The following NAALADL2 variants were observed in gnomAD, a reference collection of about 807,000 sequenced individuals.
NAALADL2 encodes the protein inactive N-acetylated-alpha-linked acidic dipeptidase-like protein 2.
NAALADL2 carries 76 observed loss-of-function variants against 87.2 expected under a neutral mutation model. The ratio of observed to expected loss-of-function variants is 0.87; its 90% CI spans 0.72 to 1.05. The LOEUF (loss-of-function observed/expected upper bound fraction) is 1.05, where lower values mean the gene tolerates loss of function less well. NAALADL2 is among the 50% of genes least tolerant of loss of function. The pLI is 0.00. For missense variants in NAALADL2, 1,089 were observed against 945.8 expected (o/e 1.15, Z -1.99); for synonymous variants, 354 against 331.0 (o/e 1.07, Z -0.75).
chr3:175,133,209 C>T (rs1728478511), intron 2 of NAALADL2, among the ~76,000 whole-genome samples: 1 of 151,146 alleles, frequency 6.6e-6, no homozygotes, highest in South Asian at 2.1e-4. Flanking sequence ...GGGATGGCGG[C>T]CGGGCAGAGA....
chr3:175,031,250 A>G (rs1752762635), intron 1 of NAALADL2, among the ~76,000 whole-genome samples: 1 of 151,858 alleles, frequency 6.6e-6, no homozygotes, highest in African/African-American at 2.4e-5. Flanking sequence ...CTGGTACCCA[A>G]TAGGTAATTT....
At chr3:175,117,078 G>T (rs1198539169) in intron 2 of NAALADL2, among the ~76,000 whole-genome samples, 1 of 152,068 alleles carries the variant, frequency 6.6e-6, no homozygotes, top group Non-Finnish European at 1.5e-5. Flanking sequence ...GCTGAAACTG[G>T]ATCCCTTCCT....
chr3:175,781,287 G>A (rs1211230634), intron 13 of NAALADL2, among the ~76,000 whole-genome samples: 1 of 152,094 alleles, frequency 6.6e-6, no homozygotes, highest in African/African-American at 2.4e-5. Context: ...ATAAAATCAT[G>A]TGCTGAATAA....
chr3:175,289,799 A>C (rs1022745315), intron 4 of NAALADL2, among the ~76,000 whole-genome samples: 3 of 152,112 alleles, frequency 2.0e-5, no homozygotes, highest in Non-Finnish European at 4.4e-5. Context: ...TGTCTCAAAA[A>C]ACAAACAAAA....
intron 1 of NAALADL2, among the ~76,000 whole-genome samples, chr3:174,470,126 A>G (rs1196632676): frequency 2.0e-5 from 3 of 152,178 alleles, no homozygotes; most frequent in Non-Finnish European, 4.4e-5. Flanking sequence ...CCAACAGTGT[A>G]TAATTCCCTT....
At chr3:175,561,693 A>T (rs1198871422) in intron 9 of NAALADL2, among the ~76,000 whole-genome samples, 1 of 152,022 alleles carries the variant, frequency 6.6e-6, no homozygotes, top group Admixed American at 6.5e-5. Flanking sequence ...TGCCAGCCCT[A>T]CCAGATTAAG....
chr3:175,343,655 G>GTTTTGTTTTTTTTTTTTTTTT (rs1762798204), intron 5 of NAALADL2, among the ~76,000 whole-genome samples: 1 of 64,724 alleles, frequency 1.5e-5, no homozygotes, highest in African/African-American at 4.6e-5. Flanking sequence ...TCTTGATCAT[G>GTTTTGTTTTTTTTTTTTTTTT]TTTTTTTTTT....
At chr3:175,299,221 C>G (rs898043553) in intron 4 of NAALADL2, among the ~76,000 whole-genome samples, 1 of 151,936 alleles carries the variant, frequency 6.6e-6, no homozygotes. Flanking sequence ...CAGCTTTGTT[C>G]TTTTTGCTTA....
intron 9 of NAALADL2, among the ~76,000 whole-genome samples, chr3:175,550,857 A>G (rs1164704233): frequency 5.3e-5 from 8 of 152,206 alleles, no homozygotes; most frequent in Non-Finnish European, 8.8e-5. Context: ...ACATATGCCT[A>G]AAACATTTGG....
intron 10 of NAALADL2, among the ~76,000 whole-genome samples, chr3:175,606,013 T>G (rs1181919429): frequency 6.6e-6 from 1 of 152,204 alleles, no homozygotes; most frequent in Admixed American, 6.5e-5. Context: ...TCAAGCCTGC[T>G]TAGCTACTTG....
chr3:175,562,323 A>G (rs1234229205), intron 9 of NAALADL2, among the ~76,000 whole-genome samples: 1 of 152,170 alleles, frequency 6.6e-6, no homozygotes, highest in Non-Finnish European at 1.5e-5. Flanking sequence ...ATATGAAACC[A>G]CCTGGTGAAC....
At position 175,341,474 on chromosome 3, in the gene NAALADL2, C is replaced by T. The variant is rs573307240; in HGVS notation, c.1090+17149C>T. ...ATCTTATTACAAATATTCACATATA[C>T]GTTTTTGTGTGAACATATTATGCTT... On this transcript the variant is annotated intron_variant, in intron 5 of 13. Coordinates refer to ENST00000454872, the MANE Select transcript of NAALADL2 (RefSeq NM_207015.3). Among the ~76,000 whole-genome samples, 7 of 152,112 alleles carry T rather than the reference C, an allele frequency of 4.6e-5. No individual in the cohort carries two copies. In the East Asian group the frequency reaches 1.2e-3, roughly 25 times the overall value.
rs187347005 is a variant in NAALADL2 at position 174,613,710 on chromosome 3, C to T, written c.-115+63073C>T. On this transcript the variant is annotated intron_variant, in intron 2 of 3. Transcript: ENST00000434257. ...CTCCTTTCTGGTCCAGGGCAGGTTC[C>T]CAAATGCCATCTAAGAGACAAGGCC... Among the ~76,000 whole-genome samples the T allele has an allele frequency of 2.0e-4, 31 of 152,252 alleles. No individual in the cohort carries two copies. The East Asian group carries it at 5.8e-3, about 29-fold the overall frequency.
intron 1 of NAALADL2, among the ~76,000 whole-genome samples, chr3:174,495,944 T>A (rs1012031978): frequency 6.6e-6 from 1 of 152,170 alleles, no homozygotes; most frequent in Admixed American, 6.5e-5. Flanking sequence ...GCCATTGAAA[T>A]GCAGCAGCAA....
At chr3:175,486,274 A>C (rs1305652250) in intron 9 of NAALADL2, among the ~76,000 whole-genome samples, 2 of 152,180 alleles carry the variant, frequency 1.3e-5, no homozygotes, top group Non-Finnish European at 2.9e-5. Context: ...TCCTCAAAAC[A>C]GAGTGCAAGT....
chr3:174,882,851 GTA>G (rs1205122796), intron 1 of NAALADL2, among the ~76,000 whole-genome samples: 2 of 139,222 alleles, frequency 1.4e-5, no homozygotes, highest in Non-Finnish European at 3.0e-5. Flanking sequence ...GTGCATATGT[GTA>G]TATATACATA....
chr3:175,541,896 C>G (rs1412068917), intron 9 of NAALADL2, among the ~76,000 whole-genome samples: 1 of 152,194 alleles, frequency 6.6e-6, no homozygotes, highest in East Asian at 1.9e-4. Context: ...AATTTTTGTA[C>G]TTTTAGAAGA....
chr3:175,026,523 C>T (rs192953359), intron 1 of NAALADL2, among the ~76,000 whole-genome samples: 59 of 149,734 alleles, frequency 3.9e-4, no homozygotes, highest in Admixed American at 2.2e-3. Flanking sequence ...TACGTGGTGG[C>T]GCATGCCTGT....
chr3:174,584,265 G>A (rs932717841), intron 2 of NAALADL2, among the ~76,000 whole-genome samples: 5 of 152,056 alleles, frequency 3.3e-5, no homozygotes, highest in Non-Finnish European at 7.4e-5. Flanking sequence ...AACGTATGTC[G>A]AAGTGAAACA....
Sources: gnomAD v4.1 joint callset for allele counts (sites outside exome capture counted in the v4.1 genomes callset) on GRCh38, gnomAD v4.1.1 for gene constraint, MANE v1.5 for transcripts, NCBI Gene and HGNC (gene_info 2026-07-23, HGNC 2026-07-21) for gene names.